The following SPATA7 variants were observed in gnomAD, a reference collection of about 807,000 sequenced individuals.
SPATA7 encodes the protein spermatogenesis associated 7.
SPATA7 carries 43 observed loss-of-function variants against 51.8 expected under a neutral mutation model. That is an observed-to-expected ratio of 0.83 (90% CI 0.65 to 1.07). The LOEUF is 1.07. SPATA7 is among the 50% of genes least tolerant of loss of function. The pLI, the probability that SPATA7 is intolerant of heterozygous loss-of-function variation, is 0.00. For missense variants in SPATA7, 683 were observed against 701.3 expected, an observed-to-expected ratio of 0.97 and a Z score of 0.30; for synonymous variants, 230 against 252.8, an observed-to-expected ratio of 0.91 and a Z score of 0.86.
intron 7 of SPATA7, chr14:88,428,832 T>A (rs1384856177): frequency 6.2e-6 from 1 of 160,768 alleles, no homozygotes; most frequent in Non-Finnish European, 1.4e-5. Context: ...ATACATAAAT[T>A]GTCATTGTAA....
rs961497628 is a variant in SPATA7, at chr14:88,385,950, C to T, written c.19+113C>T. On this transcript the variant is annotated intron_variant, in intron 1 of 11. Transcript: ENST00000393545. ...GGCCGCCCCTTGGGGCGCTTCCTAC[C>T]CCTGGCTGAGTCGCCAGTGTTGCCT... 6 of 1,537,178 alleles carry T rather than the reference C, an allele frequency of 3.9e-6. No homozygotes were observed. In the Admixed American group the frequency reaches 7.9e-5, roughly 20 times the overall value.
In SPATA7 at chr14:88,391,398, C is replaced by A; in HGVS notation, c.37C>A (p.Leu13Ile). Residue 13 changes from leucine to isoleucine, a missense_variant, in exon 2 of 12, where the codon CTT becomes ATT. Transcript: ENST00000393545. ...GTTAAAAGTCAGAGCAACCTCTGTCCTTCCCAGATATGGTCCACCGTGCCT... is the reference window on the plus strand; with the variant it reads ...GTTAAAAGTCAGAGCAACCTCTGTCATTCCCAGATATGGTCCACCGTGCCT... Reference protein sequence around the residue: ...GSRRVRATSVLPRYGPPCLFK... With the variant: ...GSRRVRATSVIPRYGPPCLFK... 1.2e-6 allele frequency: 2 copies of A among 1,612,958 alleles called. No homozygotes were observed. The highest frequency in any genetic ancestry group is 1.7e-6 in the Non-Finnish European group (2 of 1,179,500).
At chr14:88,450,653 G>A (rs2077244104) in intron 3 of SPATA7, among the ~76,000 whole-genome samples, 1 of 152,150 alleles carries the variant, frequency 6.6e-6, no homozygotes, top group Admixed American at 6.5e-5. Context: ...TAGGGTTTCG[G>A]CTGAGAAATC....
chr14:88,429,521 A>G (rs2076885150), intron 8 of SPATA7, 58 bp downstream of exon 8: 1 of 1,103,192 alleles, frequency 9.1e-7, no homozygotes, highest in Admixed American at 1.7e-5. Context: ...CTTGTATAAC[A>G]GACATATAGT....
chr14:88,393,085 T>G (rs2075786469), intron 2 of SPATA7, among the ~76,000 whole-genome samples: 1 of 151,978 alleles, frequency 6.6e-6, no homozygotes, highest in South Asian at 2.1e-4. Flanking sequence ...CATCCTTAGT[T>G]AGAAGATTGA....
intron 4 of SPATA7, among the ~76,000 whole-genome samples, chr14:88,397,170 G>C (rs561755468): frequency 1.2e-4 from 19 of 152,150 alleles, no homozygotes; most frequent in African/African-American, 4.3e-4. Flanking sequence ...GATTATAGGC[G>C]TGAGCCACTG....
chr14:88,415,258 C>G (rs1385242977), intron 4 of SPATA7: 3 of 361,828 alleles, frequency 8.3e-6, no homozygotes, highest in Admixed American at 7.7e-5. Flanking sequence ...GCAAATATAC[C>G]TAGGATAGGT....
intron 5 of SPATA7, among the ~76,000 whole-genome samples, chr14:88,417,576 A>G (rs144560217): frequency 1.8e-3 from 271 of 152,234 alleles, no homozygotes; most frequent in African/African-American, 6.5e-3. Context: ...AAAAAGTGCT[A>G]GGATTACAAG....
rs564017997 is a variant in SPATA7 at position 88,450,430 on chromosome 14, A to G, written c.178-4630A>G. On this transcript the variant is annotated intron_variant, in intron 3 of 3. Transcript: ENST00000554802. ...GAGATTTATGCTTTAAGGATATTCT[A>G]TTTTGATGATTTTGAGGATTTAAGA... 3.9e-5 allele frequency among the ~76,000 whole-genome samples: 6 copies of G among 152,058 alleles called. No individual in the cohort carries two copies. In the East Asian group the frequency reaches 7.7e-4, roughly 20 times the overall value.
downstream of SPATA7, among the ~76,000 whole-genome samples, chr14:88,456,088 G>T (rs28589272): frequency 2.0e-4 from 31 of 152,224 alleles, no homozygotes; most frequent in East Asian, 6.0e-3. Context: ...GTATTCCATG[G>T]TGTATATGTG....
At chr14:88,404,349 A>G (rs925988431) in intron 4 of SPATA7, among the ~76,000 whole-genome samples, 12 of 152,202 alleles carry the variant, frequency 7.9e-5, no homozygotes, top group African/African-American at 2.9e-4. Flanking sequence ...TAACCTACAT[A>G]TATATGAGAA....
intron 4 of SPATA7, among the ~76,000 whole-genome samples, chr14:88,396,867 TC>T (rs1405398386): frequency 1.1e-4 from 11 of 103,396 alleles, no homozygotes; most frequent in Non-Finnish European, 2.1e-4. Flanking sequence ...TCTTTTCTTT[TC>T]TTTTTTCTTT....
intron 4 of SPATA7, among the ~76,000 whole-genome samples, chr14:88,462,899 A>G (rs1456082788): frequency 9.2e-5 from 14 of 152,230 alleles, no homozygotes; most frequent in Admixed American, 9.2e-4. Context: ...GTCCCTATTT[A>G]TAATATTAAA....
chr14:88,421,238 C>T (rs10141789), intron 5 of SPATA7, among the ~76,000 whole-genome samples: 2,080 of 152,254 alleles, frequency 0.014, 48 homozygotes, highest in African/African-American at 0.047. Flanking sequence ...TCCTTCAACT[C>T]AGTGCCAGGG....
intron 4 of SPATA7, among the ~76,000 whole-genome samples, chr14:88,400,851 A>G (rs2076037391): frequency 6.6e-6 from 1 of 152,086 alleles, no homozygotes; most frequent in Admixed American, 6.6e-5. Flanking sequence ...ATAAAATTAA[A>G]AATTAAAAAA....
At chr14:88,416,480 T>A in intron 4 of SPATA7, 2 of 316,996 alleles carry the variant, frequency 6.3e-6, no homozygotes, top group African/African-American at 2.2e-5. Flanking sequence ...AAATAGTTAA[T>A]CCATTTAGAA....
intron 7 of SPATA7, chr14:88,428,000 G>A (rs1313587243): frequency 1.3e-5 from 3 of 231,588 alleles, no homozygotes; most frequent in South Asian, 9.6e-5. Flanking sequence ...TTTCAAAGAT[G>A]CAGACCTGGA....
intron 6 of SPATA7, among the ~76,000 whole-genome samples, 200 bp downstream of exon 6, chr14:88,426,904 C>G (rs1004953869): frequency 6.6e-6 from 1 of 152,160 alleles, no homozygotes; most frequent in Non-Finnish European, 1.5e-5. Flanking sequence ...TTAAACTGGT[C>G]AAGCACCTTA....
chr14:88,392,360 A>G (rs1196642321), intron 2 of SPATA7, among the ~76,000 whole-genome samples: 3 of 152,162 alleles, frequency 2.0e-5, no homozygotes, highest in Non-Finnish European at 2.9e-5. Context: ...CTTGGATCAC[A>G]TGGAAGCTGC....
Sources: allele counts gnomAD v4.1 joint callset (sites outside exome capture counted in the v4.1 genomes callset), GRCh38; gene constraint gnomAD v4.1.1; transcripts MANE v1.5; gene names NCBI Gene and HGNC (gene_info 2026-07-23, HGNC 2026-07-21).